Variants in DHX29 observed in about 807,000 individuals in gnomAD.
The protein encoded by DHX29 is ATP-dependent RNA helicase DHX29.
Under a neutral mutation model 167.9 loss-of-function variants are expected in DHX29, and 79 were observed. The ratio of observed to expected loss-of-function variants is 0.47; its 90% confidence interval spans 0.39 to 0.57. The LOEUF is 0.57. Ranked by LOEUF, DHX29 falls within the 20% of genes least tolerant of loss-of-function variation. The pLI, the probability that DHX29 is intolerant of heterozygous loss-of-function variation, is 0.00. For synonymous variants in DHX29, 530 were observed against 546.0 expected (o/e 0.97, Z 0.41); for missense variants, 1,347 against 1,593.4 (o/e 0.85, Z 2.63).
chr5:55,268,114 C>T lies in DHX29; in HGVS notation c.3295-292G>A, dbSNP rs111769982. On this transcript the variant is annotated intron_variant, in intron 21 of 26. Coordinates refer to ENST00000251636, the MANE Select transcript of DHX29 (RefSeq NM_019030.4). ...TGAGGTAAGGAGGCAATTATCACCACAATCAGAGAAAAAAATCTGAACATT... is the reference window on the plus strand; with the variant it reads ...TGAGGTAAGGAGGCAATTATCACCATAATCAGAGAAAAAAATCTGAACATT... Among the ~76,000 whole-genome samples the T allele has an allele frequency of 8.7e-3, 1,325 of 152,152 alleles. 15 individuals carry two copies. Among genetic ancestry groups the T allele is most frequent in the African/African-American group, 0.03 (1,252 of 41,528 alleles).
chr5:55,270,392 C>T lies in DHX29; in HGVS notation c.3069+20G>A, dbSNP rs1746793012. The T allele has an allele frequency of 3.1e-6, 5 of 1,587,350 alleles. No individual in the cohort carries two copies. Among genetic ancestry groups the T allele is most frequent in the Non-Finnish European group, 4.3e-6 (5 of 1,168,690 alleles). ...GAAAGGGGCGAAGGACAAAATCCAT[C>T]CGAGTTCCCTTGAGATTACCATAAT... On this transcript the variant is annotated intron_variant, in intron 20 of 26. Coordinates refer to ENST00000251636, the MANE Select transcript of DHX29 (RefSeq NM_019030.4).
At chr5:55,293,072 T>C (rs914869128) in intron 6 of DHX29, among the ~76,000 whole-genome samples, 1 of 152,226 alleles carries the variant, frequency 6.6e-6, no homozygotes, top group Non-Finnish European at 1.5e-5. Context: ...TCTTTCCAGA[T>C]GTTTTCTTTG....
chr5:55,291,815 G>A (rs1748061689), intron 6 of DHX29, among the ~76,000 whole-genome samples: 1 of 152,070 alleles, frequency 6.6e-6, no homozygotes, highest in African/African-American at 2.4e-5. Context: ...GCATAATGTC[G>A]GTCGAGGTCC....
intron 9 of DHX29, 109 bp downstream of exon 9, chr5:55,285,587 G>A (rs951951051): frequency 7.7e-7 from 1 of 1,296,862 alleles, no homozygotes; most frequent in African/African-American, 1.5e-5. Flanking sequence ...ATGTAGAATT[G>A]AGAGCTTCCT....
At chr5:55,298,923 G>A (rs1357333763) in intron 1 of DHX29, among the ~76,000 whole-genome samples, 4 of 150,766 alleles carry the variant, frequency 2.7e-5, no homozygotes, top group South Asian at 2.1e-4. Context: ...CCAGCTACTC[G>A]GGAGGCTGAG....
At chr5:55,262,550 C>G in intron 24 of DHX29, 80 bp downstream of exon 24, 6 of 1,497,948 alleles carry the variant, frequency 4.0e-6, no homozygotes, top group Non-Finnish European at 5.4e-6. Context: ...AATAAAATAC[C>G]TGTTAGGGCA....
At chr5:55,257,043 G>A (rs776796738) in intron 26 of DHX29, among the ~76,000 whole-genome samples, 3 of 152,134 alleles carry the variant, frequency 2.0e-5, no homozygotes, top group Non-Finnish European at 4.4e-5. Context: ...TAACAGGGAA[G>A]CGCTCTTGGA....
chr5:55,307,068 T>C (rs1748907092), intron 1 of DHX29, among the ~76,000 whole-genome samples: 2 of 152,194 alleles, frequency 1.3e-5, no homozygotes, highest in Non-Finnish European at 2.9e-5. Context: ...TGCGTTAGCC[T>C]AGCTAGCTGA....
At chr5:55,272,515 CTG>C (rs1233630942) in intron 17 of DHX29, among the ~76,000 whole-genome samples, 3 of 152,168 alleles carry the variant, frequency 2.0e-5, no homozygotes, top group Non-Finnish European at 2.9e-5. Flanking sequence ...GGAGGATCAT[CTG>C]TGGTCAAGAG....
chr5:55,293,155 G>A (rs1346592614), intron 6 of DHX29, among the ~76,000 whole-genome samples: 1 of 152,170 alleles, frequency 6.6e-6, no homozygotes, highest in African/African-American at 2.4e-5. Flanking sequence ...TACACATGCT[G>A]TTCTACAACT....
chr5:55,290,368 AGGGGG>A (rs1183158687), intron 6 of DHX29, 24 bp from the exon 7 acceptor site: 7 of 1,555,862 alleles, frequency 4.5e-6, no homozygotes, highest in Admixed American at 4.4e-5. Flanking sequence ...AACAATGAGG[AGGGGG>A]AAAAAAAAAG....
rs200126514 is a variant in DHX29 at position 55,269,581 on chromosome 5, C to T, written c.3126G>A (p.Gln1042=). 55 of 1,614,062 alleles carry T rather than the reference C, an allele frequency of 3.4e-5. No individual in the cohort carries two copies. In the African/African-American group the frequency reaches 6.3e-4, roughly 18 times the overall value. Residue 1042 remains glutamine, a synonymous_variant, in exon 21 of 27, where the codon CAG becomes CAA. Transcript: ENST00000251636. ...TCATTGCATTGCTGATCACTTGGAG[C>T]TGAGGAGGATCTAAGGCTTTGGAGA... ...DFLSKALDPP[Q]LQVISNAMNL...
chr5:55,268,726 G>A (rs1389991220), intron 21 of DHX29, among the ~76,000 whole-genome samples: 1 of 151,668 alleles, frequency 6.6e-6, no homozygotes, highest in African/African-American at 2.4e-5. Context: ...TTTGTGCCCA[G>A]AGACTCAGAC....
Position 55,280,005 on chromosome 5 carries a change from C to T in DHX29, c.2109+1367G>A, listed in dbSNP as rs569024972. 2.6e-5 allele frequency among the ~76,000 whole-genome samples: 4 copies of T among 152,196 alleles called. No individual in the cohort carries two copies. In the South Asian group the frequency reaches 8.3e-4, roughly 32 times the overall value. ...AGCACACTAGCAGCCATCAAGAAAACCTACTCAATTCACACACTGACTACA... is the reference window on the plus strand; with the variant it reads ...AGCACACTAGCAGCCATCAAGAAAATCTACTCAATTCACACACTGACTACA... On this transcript the variant is annotated intron_variant, in intron 12 of 26. Coordinates refer to ENST00000251636, the MANE Select transcript of DHX29 (RefSeq NM_019030.4).
intron 16 of DHX29, 63 bp from the exon 17 acceptor site, chr5:55,273,440 CAA>C (rs904301108): frequency 6.4e-6 from 9 of 1,408,346 alleles, no homozygotes; most frequent in Non-Finnish European, 8.4e-6. Context: ...CAAAGAATAA[CAA>C]AATTTATTTG....
intron 8 of DHX29, among the ~76,000 whole-genome samples, chr5:55,287,334 G>C (rs112972942): frequency 6.6e-6 from 1 of 152,066 alleles, no homozygotes; most frequent in African/African-American, 2.4e-5. Context: ...CCGGCTACTT[G>C]GGAGACTGAA....
At chr5:55,279,807 G>C (rs1036063561) in intron 12 of DHX29, among the ~76,000 whole-genome samples, 2 of 150,552 alleles carry the variant, frequency 1.3e-5, no homozygotes, top group African/African-American at 4.9e-5. Flanking sequence ...CTGGGCTCAA[G>C]TGATCCTCCC....
intron 12 of DHX29, among the ~76,000 whole-genome samples, chr5:55,279,901 G>A (rs1747316433): frequency 6.6e-6 from 1 of 151,788 alleles, no homozygotes; most frequent in African/African-American, 2.4e-5. Context: ...AAAAAATAAG[G>A]ATAGAACATA....
chr5:55,281,016 A>C (rs540236557), intron 12 of DHX29, among the ~76,000 whole-genome samples: 1 of 151,792 alleles, frequency 6.6e-6, no homozygotes, highest in South Asian at 2.1e-4. Flanking sequence ...TGATTTTTAT[A>C]CATGTATATA....
Sources: gnomAD v4.1 joint callset for allele counts (sites outside exome capture counted in the v4.1 genomes callset) on GRCh38, gnomAD v4.1.1 for gene constraint, MANE v1.5 for transcripts, NCBI Gene and HGNC (gene_info 2026-07-23, HGNC 2026-07-21) for gene names.